Variants in ATP2B2 observed in about 807,000 individuals in gnomAD.
ATP2B2 encodes the protein plasma membrane calcium-transporting ATPase 2.
ATP2B2 carries 15 observed loss-of-function variants against 120.0 expected under a neutral mutation model. The observed-to-expected ratio is 0.12, with a 90% CI of 0.08 to 0.19. The LOEUF (loss-of-function observed/expected upper bound fraction) is 0.19, where lower values mean the gene tolerates loss of function less well. Ranked by LOEUF, ATP2B2 falls within the 10% of genes least tolerant of loss-of-function variation. ATP2B2 has a pLI of 1.00. For synonymous variants in ATP2B2, 694 were observed against 700.3 expected (o/e 0.99, Z 0.14); for missense variants, 1,045 against 1,719.8 (o/e 0.61, Z 6.94).
intron 1 of ATP2B2, among the ~76,000 whole-genome samples, chr3:10,479,542 T>C (rs1347886726): frequency 1.3e-5 from 2 of 152,078 alleles, no homozygotes; most frequent in African/African-American, 4.8e-5. Flanking sequence ...TGATTTTAGA[T>C]CACTGACTAG....
At chr3:10,474,902 C>G (rs2065147001) in intron 1 of ATP2B2, among the ~76,000 whole-genome samples, 1 of 152,256 alleles carries the variant, frequency 6.6e-6, no homozygotes, top group Non-Finnish European at 1.5e-5. Context: ...GCGGGCTGAC[C>G]TGTCTCTGTG....
At position 10,395,653 on chromosome 3, in the gene ATP2B2, A is replaced by G. The variant is rs77436219; in HGVS notation, c.781+5300T>C. Among the ~76,000 whole-genome samples the G allele has an allele frequency of 6.4e-4, 98 of 152,340 alleles. 1 individual carries two copies. In the East Asian group the frequency reaches 0.017, roughly 26 times the overall value. ...ATTATCTTAAAATACAAAGCTAAAA[A>G]ATAGGCCTAGGTCAGAGTTTGCACT... On this transcript the variant is annotated intron_variant, in intron 5 of 22. Transcript: ENST00000360273.
At chr3:10,536,146 C>G (rs918083986) in intron 2 of ATP2B2, among the ~76,000 whole-genome samples, 2 of 152,086 alleles carry the variant, frequency 1.3e-5, no homozygotes, top group Non-Finnish European at 2.9e-5. Flanking sequence ...CATCTTTTCA[C>G]GTGCTTATTT....
intron 1 of ATP2B2, among the ~76,000 whole-genome samples, chr3:10,494,649 C>G (rs988926856): frequency 2.0e-5 from 3 of 152,188 alleles, no homozygotes; most frequent in Non-Finnish European, 4.4e-5. Flanking sequence ...CTGACCAGCA[C>G]CCAATCATGT....
Position 10,410,690 on chromosome 3 carries a change from T to G in ATP2B2, c.325A>C (p.Ile109Leu). The change falls in exon 3 of 23, where the codon ATC becomes CTC. Residue 109 changes from isoleucine to leucine, a missense_variant. Transcript: ENST00000360273. ...VWEALQDVTL[I>L]ILEIAAIISL... ...ATGATGGCGGCAATCTCCAGGATGATGAGCGTCACGTCCTGCAGCGCCTCC... is the reference window on the plus strand; with the variant it reads ...ATGATGGCGGCAATCTCCAGGATGAGGAGCGTCACGTCCTGCAGCGCCTCC... 1 of 1,614,156 alleles carries G rather than the reference T, an allele frequency of 6.2e-7. No individual in the cohort carries two copies. Among genetic ancestry groups the G allele is most frequent in the Non-Finnish European group, 8.5e-7 (1 of 1,180,006 alleles).
chr3:10,349,590 A>C (rs555871305), intron 16 of ATP2B2, among the ~76,000 whole-genome samples: 11 of 152,206 alleles, frequency 7.2e-5, no homozygotes, highest in African/African-American at 2.6e-4. Flanking sequence ...GGCTATTCCC[A>C]GGAGAGCGCA....
chr3:10,389,700 G>A (rs957057452), intron 5 of ATP2B2, among the ~76,000 whole-genome samples: 3 of 152,190 alleles, frequency 2.0e-5, no homozygotes, highest in Non-Finnish European at 2.9e-5. Flanking sequence ...GCACAAAAAC[G>A]TGAAGGTGCT....
chr3:10,541,459 C>T (rs975286048), intron 2 of ATP2B2, among the ~76,000 whole-genome samples: 3 of 152,118 alleles, frequency 2.0e-5, no homozygotes, highest in African/African-American at 7.2e-5. Flanking sequence ...TTGATAGGTT[C>T]TATTTTAACT....
chr3:10,629,677 C>T (rs1471815790), intron 1 of ATP2B2, among the ~76,000 whole-genome samples: 1 of 152,166 alleles, frequency 6.6e-6, no homozygotes, highest in Non-Finnish European at 1.5e-5. Flanking sequence ...CCTCCAGAGT[C>T]CAGCTCCACT....
At chr3:10,651,296 C>A (rs1438938687) in intron 1 of ATP2B2, among the ~76,000 whole-genome samples, 1 of 152,064 alleles carries the variant, frequency 6.6e-6, no homozygotes, top group Non-Finnish European at 1.5e-5. Context: ...AATTTCATAT[C>A]AAATTTCCAT....
At chr3:10,591,591 C>T (rs1221683942) in intron 2 of ATP2B2, among the ~76,000 whole-genome samples, 3 of 152,208 alleles carry the variant, frequency 2.0e-5, no homozygotes, top group Non-Finnish European at 4.4e-5. Context: ...GTCTTAAAAA[C>T]ACGCCTTTCC....
Position 10,326,513 on chromosome 3 carries a change from A to G in ATP2B2, c.*2301T>C, listed in dbSNP as rs1269856116. 1 of 393,376 alleles carries G rather than the reference A, an allele frequency of 2.5e-6. No individual in the cohort carries two copies. The highest frequency in any genetic ancestry group is 2.1e-5 in the African/African-American group (1 of 48,546). 24.4% of individuals were successfully genotyped at this position (393,376 alleles called of 1,614,324 possible). On this transcript the variant is annotated 3_prime_UTR_variant, in exon 23 of 23. Transcript: ENST00000360273. ...CTGATCAAAGAAGTGGGGAGATGGA[A>G]AACTGTGAGAAAGGAAACTCCAAAA...
chr3:10,633,502 A>T (rs977715820), intron 1 of ATP2B2, among the ~76,000 whole-genome samples: 1 of 152,218 alleles, frequency 6.6e-6, no homozygotes, highest in African/African-American at 2.4e-5. Flanking sequence ...CAAGAAGGGC[A>T]TCTATTAGTC....
chr3:10,584,062 A>G (rs948966593), intron 2 of ATP2B2, among the ~76,000 whole-genome samples: 1 of 152,216 alleles, frequency 6.6e-6, no homozygotes, highest in African/African-American at 2.4e-5. Flanking sequence ...TGCAAGGGAC[A>G]GTCTGAAGGG....
At chr3:10,592,196 G>A (rs530494199) in intron 2 of ATP2B2, among the ~76,000 whole-genome samples, 13 of 152,318 alleles carry the variant, frequency 8.5e-5, no homozygotes, top group South Asian at 8.3e-4. Flanking sequence ...TTCAGCTTAG[G>A]AGGCCAGGAC....
chr3:10,493,730 AACAAAC>A (rs1349947462), intron 1 of ATP2B2, among the ~76,000 whole-genome samples: 1 of 152,196 alleles, frequency 6.6e-6, no homozygotes, highest in African/African-American at 2.4e-5. Flanking sequence ...AATCACTGAA[AACAAAC>A]ACAAACACAA....
chr3:10,461,078 T>G (rs1278851349), intron 1 of ATP2B2, among the ~76,000 whole-genome samples: 1 of 152,246 alleles, frequency 6.6e-6, no homozygotes. Context: ...CTAGCTATAT[T>G]GAGAAAGAGG....
At position 10,512,473 on chromosome 3, in the gene ATP2B2, C is replaced by G. The variant is rs539434010; in HGVS notation, c.-320+21566G>C. 6.0e-3 allele frequency among the ~76,000 whole-genome samples: 344 copies of G among 57,044 alleles called. 2 individuals are homozygous for G. The highest frequency in any genetic ancestry group is 0.028 in the Middle Eastern group (4 of 142). The allele number at this position is 57,044 out of a possible 152,430, so 37.4% of individuals were successfully genotyped here. A position where few individuals can be genotyped will look rare whatever the true frequency, so the allele number is the denominator to read the frequency against. Reference sequence around the variant, plus strand: ...GTGCTAAAGTGTGTGCGCACACACACACACACACACACACACACACACACA... The same window carrying G: ...GTGCTAAAGTGTGTGCGCACACACAGACACACACACACACACACACACACA... On this transcript the variant is annotated intron_variant, in intron 3 of 21. Coordinates refer to the ATP2B2 transcript ENST00000646379.
intron 2 of ATP2B2, among the ~76,000 whole-genome samples, chr3:10,438,036 T>G (rs914502467): frequency 4.6e-5 from 7 of 152,020 alleles, no homozygotes; most frequent in Non-Finnish European, 1.0e-4. Flanking sequence ...GCTGAGGCTC[T>G]GCAGGGAGCC....
Sources: gnomAD v4.1 joint callset for allele counts (sites outside exome capture counted in the v4.1 genomes callset) on GRCh38, gnomAD v4.1.1 for gene constraint, MANE v1.5 for transcripts, NCBI Gene and HGNC (gene_info 2026-07-23, HGNC 2026-07-21) for gene names.